The following MGAT4C variants were observed in gnomAD, a reference collection of about 807,000 sequenced individuals.
The protein encoded by MGAT4C is alpha-1,3-mannosyl-glycoprotein 4-beta-N-acetylglucosaminyltransferase C.
In MGAT4C, 19 loss-of-function variants were observed where a neutral mutation model predicts 40.1. The observed-to-expected ratio is 0.47, with a 90% confidence interval of 0.33 to 0.70. The LOEUF is 0.70. MGAT4C is among the 30% of genes least tolerant of loss of function. The pLI is 0.02. For missense variants in MGAT4C, 491 were observed against 563.2 expected, an observed-to-expected ratio of 0.87 and a Z score of 1.30; for synonymous variants, 181 against 187.1, an observed-to-expected ratio of 0.97 and a Z score of 0.27.
At chr12:86,077,315 G>T (rs1051587170) in intron 1 of MGAT4C, among the ~76,000 whole-genome samples, 4 of 152,138 alleles carry the variant, frequency 2.6e-5, no homozygotes, top group Non-Finnish European at 4.4e-5. Context: ...TATCCTTCAT[G>T]CAACCAGAAA....
chr12:86,008,896 G>T (rs182661896), intron 2 of MGAT4C, among the ~76,000 whole-genome samples: 14 of 151,714 alleles, frequency 9.2e-5, no homozygotes, highest in Non-Finnish European at 1.9e-4. Context: ...GCTATACGAT[G>T]GATTATACTT....
chr12:86,232,091 C>G (rs1052335293), intron 1 of MGAT4C, among the ~76,000 whole-genome samples: 1 of 148,654 alleles, frequency 6.7e-6, no homozygotes, highest in Non-Finnish European at 1.5e-5. Context: ...GCCGAGGTAG[C>G]GCCACCGTAC....
At chr12:86,830,505 TA>T (rs1350134624) in intron 1 of MGAT4C, among the ~76,000 whole-genome samples, 2 of 151,820 alleles carry the variant, frequency 1.3e-5, no homozygotes, top group African/African-American at 4.8e-5. Context: ...ATACTATCTT[TA>T]AAAATCATTA....
At chr12:86,105,969 T>A (rs975997886) in intron 1 of MGAT4C, among the ~76,000 whole-genome samples, 2 of 152,154 alleles carry the variant, frequency 1.3e-5, no homozygotes, top group Admixed American at 1.3e-4. Flanking sequence ...ACTTTTAAAG[T>A]CTGAACCTAA....
chr12:85,971,529 G>C lies in MGAT4C; in HGVS notation c.*7760C>G. ...TTGTAGTTCATCCCATGGCAGAAAA[G>C]TGTTTATCCACTTAGTAAAATGGAA... On this transcript the variant is annotated 3_prime_UTR_variant, in exon 5 of 5. Coordinates refer to ENST00000611864, the MANE Select transcript of MGAT4C (RefSeq NM_001351288.2). 6.6e-6 allele frequency: 1 copy of C among 151,174 alleles called. No individual in the cohort carries two copies. The highest frequency in any genetic ancestry group is 1.9e-4 in the East Asian group (1 of 5,190). 9.4% of individuals were successfully genotyped at this position (151,174 alleles called of 1,614,324 possible).
intron 1 of MGAT4C, among the ~76,000 whole-genome samples, chr12:86,165,907 C>T (rs1593121764): frequency 6.6e-6 from 1 of 152,166 alleles, no homozygotes; most frequent in African/African-American, 2.4e-5. Context: ...TAGAGCTGAT[C>T]CTGGCTTCAT....
chr12:86,357,001 C>T (rs1955329780), intron 3 of MGAT4C, among the ~76,000 whole-genome samples: 1 of 152,176 alleles, frequency 6.6e-6, no homozygotes, highest in Non-Finnish European at 1.5e-5. Flanking sequence ...AGTTTGAGAT[C>T]TGAGAATGGA....
rs747219298 is a variant in MGAT4C at position 86,562,478 on chromosome 12, A to G, written c.-228-127213T>C. 3.3e-5 allele frequency among the ~76,000 whole-genome samples: 5 copies of G among 152,184 alleles called. No individual in the cohort carries two copies. In the South Asian group the frequency reaches 6.2e-4, roughly 19 times the overall value. ...AGGAAAAAGCCTCCTCACTCCTAGT[A>G]GTGGCAACATCCCCTCCCCTACCCA... On this transcript the variant is annotated intron_variant, in intron 2 of 7. Coordinates refer to the MGAT4C transcript ENST00000548651.
chr12:86,293,567 G>GT (rs56114917), intron 4 of MGAT4C, among the ~76,000 whole-genome samples: 12,982 of 152,094 alleles, frequency 0.085, 776 homozygotes, highest in Middle Eastern at 0.22. Context: ...CTTTGTTCTT[G>GT]TTTTTTAAAT....
At chr12:86,340,401 C>T (rs1175890487) in intron 3 of MGAT4C, among the ~76,000 whole-genome samples, 1 of 151,752 alleles carries the variant, frequency 6.6e-6, no homozygotes, top group African/African-American at 2.4e-5. Flanking sequence ...GCTTGAAAGC[C>T]TATATTCAAC....
intron 3 of MGAT4C, among the ~76,000 whole-genome samples, chr12:86,358,254 A>C (rs1376169942): frequency 6.6e-6 from 1 of 152,176 alleles, no homozygotes; most frequent in East Asian, 1.9e-4. Context: ...AGGAGAAATA[A>C]AATACTTTAC....
At position 85,968,760 on chromosome 12, in the gene MGAT4C, C is replaced by G. The variant is rs1883478856; in HGVS notation, c.*10529G>C. 6.6e-6 allele frequency: 1 copy of G among 151,864 alleles called. No individual in the cohort carries two copies. The highest frequency in any genetic ancestry group is 1.5e-5 in the Non-Finnish European group (1 of 67,836). 9.4% of individuals were successfully genotyped at this position (151,864 alleles called of 1,614,324 possible). On this transcript the variant is annotated 3_prime_UTR_variant, in exon 5 of 5. Coordinates refer to ENST00000611864, the MANE Select transcript of MGAT4C (RefSeq NM_001351288.2). ...GGAAACTCCAGAACAATTATGATAA[C>G]TCTGAGCATGGAGCTCAGGAATGGG...
chr12:86,411,561 C>T (rs144302273), intron 3 of MGAT4C, among the ~76,000 whole-genome samples: 1 of 152,220 alleles, frequency 6.6e-6, no homozygotes, highest in East Asian at 1.9e-4. Context: ...ATCCTGGCTA[C>T]TTGTAGTAGC....
At chr12:86,509,005 T>C (rs1958523220) in intron 2 of MGAT4C, among the ~76,000 whole-genome samples, 1 of 152,122 alleles carries the variant, frequency 6.6e-6, no homozygotes, top group African/African-American at 2.4e-5. Flanking sequence ...TCCCATTTTG[T>C]AGGTTGTCTG....
rs145436803 is a variant in MGAT4C, at chr12:86,085,241, C to T, written c.-56-35518G>A. ...CATTTGTCAAGTTTGGCTTTTGTTG[C>T]AATTGCTTTTGGTGTTTTAGTCATG... On this transcript the variant is annotated intron_variant, in intron 1 of 4. Transcript: ENST00000611864. Among the ~76,000 whole-genome samples the T allele has an allele frequency of 4.9e-3, 743 of 152,102 alleles. 8 individuals are homozygous for T. The highest frequency in any genetic ancestry group is 0.017 in the African/African-American group (711 of 41,510).
chr12:86,157,852 G>A (rs1159679484), intron 1 of MGAT4C, among the ~76,000 whole-genome samples: 1 of 152,032 alleles, frequency 6.6e-6, no homozygotes, highest in African/African-American at 2.4e-5. Flanking sequence ...TTCCCATCAG[G>A]CTCCTCCTCC....
chr12:86,641,471 T>C (rs1411984458), intron 2 of MGAT4C, among the ~76,000 whole-genome samples: 1 of 151,806 alleles, frequency 6.6e-6, no homozygotes, highest in Non-Finnish European at 1.5e-5. Flanking sequence ...TATACATATG[T>C]AACTAATCTG....
Position 86,754,950 on chromosome 12 carries a change from C to T in MGAT4C, c.-261-27709G>A, listed in dbSNP as rs140247823. ...TTAGTTTTTAATTCATGGTGAGTCT[C>T]TCAAATAATTTCTTCACAACACAAT... On this transcript the variant is annotated intron_variant, in intron 1 of 7. Coordinates refer to the MGAT4C transcript ENST00000548651. Among the ~76,000 whole-genome samples, 354 of 152,116 alleles carry T rather than the reference C, an allele frequency of 2.3e-3. 1 individual carries two copies. The highest frequency in any genetic ancestry group is 7.0e-3 in the African/African-American group (289 of 41,508).
intron 1 of MGAT4C, among the ~76,000 whole-genome samples, chr12:86,826,038 C>T (rs979748138): frequency 1.3e-5 from 2 of 151,300 alleles, no homozygotes; most frequent in African/African-American, 4.8e-5. Flanking sequence ...TCCAGGAATC[C>T]AGCAGAAAGT....
Sources: gnomAD v4.1 joint callset for allele counts (sites outside exome capture counted in the v4.1 genomes callset) on GRCh38, gnomAD v4.1.1 for gene constraint, MANE v1.5 for transcripts, NCBI Gene and HGNC (gene_info 2026-07-23, HGNC 2026-07-21) for gene names.